Variants in FAM124B observed in about 807,000 individuals in gnomAD.
The protein encoded by FAM124B is protein FAM124B.
FAM124B carries 18 observed loss-of-function variants against 19.7 expected under a neutral mutation model. The observed-to-expected ratio is 0.92, with a 90% CI of 0.63 to 1.36. The LOEUF is 1.36. FAM124B is among the 40% of genes most tolerant of loss of function. The pLI is 0.00. For synonymous variants in FAM124B, 223 were observed against 225.2 expected (o/e 0.99, Z 0.09); for missense variants, 540 against 553.3 (o/e 0.98, Z 0.24).
In FAM124B at chr2:224,379,917, C is replaced by T. The variant is rs961823766; in HGVS notation, c.1024G>A (p.Gly342Arg). ...LHLSSHHLES[G>R]ARMKVLNREN... ...CGGTTGAGGACCTTCATTCTGGCCC[C>T]GGATTCAAGGTGATGAGAAGACAGG... Residue 342 changes from glycine to arginine, a missense_variant, in exon 2 of 2, where the codon GGG becomes AGG. Gly to Arg is a moderately radical substitution (Grantham distance 125). Coordinates refer to ENST00000409685, the MANE Select transcript of FAM124B (RefSeq NM_001122779.2). The T allele has an allele frequency of 4.5e-6, 7 of 1,551,728 alleles. No individual in the cohort carries two copies. The highest frequency in any genetic ancestry group is 4.1e-5 in the African/African-American group (3 of 73,032).
Position 224,401,775 on chromosome 2 carries a change from A to G in FAM124B, c.-7T>C. ...GCCCCTGTGTCTCATCCATGGAGGA[A>G]CTGCCTGAGGCTGACAAAGACAGCG... On this transcript the variant is annotated 5_prime_UTR_variant, in exon 1 of 2. Transcript: ENST00000409685. 6.2e-7 allele frequency: 1 copy of G among 1,608,346 alleles called. No homozygotes were observed. Among genetic ancestry groups the G allele is most frequent in the Non-Finnish European group, 8.5e-7 (1 of 1,177,044 alleles).
chr2:224,385,813 C>T (rs1038460130), intron 1 of FAM124B, among the ~76,000 whole-genome samples: 5 of 152,226 alleles, frequency 3.3e-5, no homozygotes, highest in South Asian at 2.1e-4. Context: ...ACCATCCACC[C>T]GTCCCCATGG....
In FAM124B at chr2:224,400,523, T is replaced by G. The variant is rs1345255355; in HGVS notation, c.732+514A>C. The G allele has an allele frequency of 1.0e-5, 7 of 686,568 alleles. No individual in the cohort carries two copies. In the African/African-American group the frequency reaches 1.3e-4, roughly 12 times the overall value. 42.5% of individuals were successfully genotyped at this position (686,568 alleles called of 1,614,324 possible). A position where few individuals can be genotyped will look rare whatever the true frequency, so the allele number is the denominator to read the frequency against. On this transcript the variant is annotated intron_variant, in intron 1 of 1. Transcript: ENST00000409685. ...TCCCATCTCTAAAAAATAAAAAAAT[T>G]AAAAATTAAAAAAACCATATCTAAA...
chr2:224,399,645 G>C, intron 1 of FAM124B: 1 of 152,172 alleles, frequency 6.6e-6, no homozygotes, highest in South Asian at 2.1e-4. Context: ...CATGAACTTT[G>C]AGGGTAGATA....
At position 224,401,996 on chromosome 2, in the gene FAM124B, A is replaced by G. The variant is rs961970593; in HGVS notation, c.-228T>C. ...CTCGGGTTCAGCAGCCTCCCTCTCC[A>G]CACAGCAGCAGCGGGGTCACGTCAT... is the stretch of plus-strand genomic sequence containing the variant. On this transcript the variant is annotated 5_prime_UTR_variant, in exon 1 of 2. Transcript: ENST00000409685. The G allele has an allele frequency of 5.6e-6, 3 of 536,340 alleles. No homozygotes were observed. Among genetic ancestry groups the G allele is most frequent in the Non-Finnish European group, 1.0e-5 (3 of 301,148 alleles). 33.2% of individuals were successfully genotyped at this position (536,340 alleles called of 1,614,324 possible).
chr2:224,401,114 G>A lies in FAM124B; in HGVS notation c.655C>T (p.Leu219=). ...VQEIGQLVPL[L]PNPCMPISST... is the part of the protein sequence containing the mutation. The stretch of plus-strand genomic sequence containing the variant: ...CTGATAGGCATGCATGGATTGGGTA[G>A]CAGAGGCACTAACTGGCCGATCTCT... Residue 219 remains leucine (L), a synonymous_variant, in exon 1 of 2, where the codon CTA becomes TTA. Transcript: ENST00000409685. The A allele has an allele frequency of 1.2e-6, 2 of 1,614,176 alleles. No individual in the cohort carries two copies. Among genetic ancestry groups the A allele is most frequent in the Non-Finnish European group, 1.7e-6 (2 of 1,180,018 alleles).
intron 1 of FAM124B, among the ~76,000 whole-genome samples, chr2:224,393,810 G>A (rs991075995): frequency 6.6e-6 from 1 of 152,180 alleles, no homozygotes. Context: ...CCACCTCTTT[G>A]TCCTCAACTC....
chr2:224,383,139 T>TA (rs1291387114), intron 1 of FAM124B, among the ~76,000 whole-genome samples: 1 of 152,086 alleles, frequency 6.6e-6, no homozygotes, highest in Admixed American at 6.5e-5. Flanking sequence ...CTGGGATCAT[T>TA]AAAAAACAAT....
chr2:224,390,430 A>G (rs1466236512), intron 1 of FAM124B, among the ~76,000 whole-genome samples: 1 of 152,076 alleles, frequency 6.6e-6, no homozygotes, highest in East Asian at 1.9e-4. Flanking sequence ...CAGGCATAGA[A>G]AGACGGCAAG....
chr2:224,397,321 T>TAAGA (rs1689989741), intron 1 of FAM124B, among the ~76,000 whole-genome samples: 1 of 152,198 alleles, frequency 6.6e-6, no homozygotes, highest in Non-Finnish European at 1.5e-5. Context: ...TGCTCCTCTT[T>TAAGA]GCCTTCCGCC....
intron 1 of FAM124B, among the ~76,000 whole-genome samples, chr2:224,384,854 C>T (rs1689777829): frequency 1.3e-5 from 2 of 152,150 alleles, no homozygotes; most frequent in Admixed American, 6.5e-5. Context: ...GTGACCCTGA[C>T]CTATCAATTA....
At chr2:224,392,278 T>G (rs1369087340) in intron 1 of FAM124B, among the ~76,000 whole-genome samples, 1 of 151,978 alleles carries the variant, frequency 6.6e-6, no homozygotes, top group Non-Finnish European at 1.5e-5. Context: ...CTCCCATCTC[T>G]ACAAAACATT....
At chr2:224,399,510 T>C (rs566952733) in intron 1 of FAM124B, 3 of 152,318 alleles carry the variant, frequency 2.0e-5, no homozygotes, top group East Asian at 1.9e-4. Flanking sequence ...CTTTATTCAA[T>C]AGGCCTTAAG....
Position 224,401,221 on chromosome 2 carries a change from G to A in FAM124B, c.548C>T (p.Ala183Val). 6.2e-7 allele frequency: 1 copy of A among 1,614,162 alleles called. No individual in the cohort carries two copies. Among genetic ancestry groups the A allele is most frequent in the Non-Finnish European group, 8.5e-7 (1 of 1,180,026 alleles). Reference sequence around the variant, plus strand: ...CAGCTGCTTCAGGGAGAGCTGCAGAGCAAAGCTCTTGGAGGCATAGAGCAC... The same window carrying A: ...CAGCTGCTTCAGGGAGAGCTGCAGAACAAAGCTCTTGGAGGCATAGAGCAC... ...FFVLYASKSF[A>V]LQLSLKQLPP... The change falls in exon 1 of 2, where the codon GCT becomes GTT. Residue 183 changes from alanine to valine, a missense_variant. Ala to Val is a moderately conservative substitution (Grantham distance 64). Transcript: ENST00000409685.
intron 1 of FAM124B, among the ~76,000 whole-genome samples, chr2:224,396,119 A>G (rs1261403604): frequency 6.6e-6 from 1 of 152,150 alleles, no homozygotes; most frequent in African/African-American, 2.4e-5. Context: ...AGTGAGCCCA[A>G]AAAGTCCCCC....
chr2:224,384,218 C>T (rs1181261139), intron 1 of FAM124B, among the ~76,000 whole-genome samples: 24 of 152,172 alleles, frequency 1.6e-4, no homozygotes, highest in Non-Finnish European at 3.1e-4. Flanking sequence ...TTGAAAGATT[C>T]TATTTAAGCC....
rs1041184187 is a variant in FAM124B at position 224,382,463 on chromosome 2, G to T, written c.733-2255C>A. On this transcript the variant is annotated intron_variant, in intron 1 of 1. Transcript: ENST00000409685. Reference sequence around the variant, plus strand: ...TTGCTCTTGTTGCCCAATCTGGAGTGCAATGGCGCAATCTCAGCTCACTGC... The same window carrying T: ...TTGCTCTTGTTGCCCAATCTGGAGTTCAATGGCGCAATCTCAGCTCACTGC... Among the ~76,000 whole-genome samples, 34 of 137,342 alleles carry T rather than the reference G, an allele frequency of 2.5e-4. 1 individual carries two copies. Among genetic ancestry groups the T allele is most frequent in the Middle Eastern group, 7.9e-3 (2 of 254 alleles). The allele number at this position is 137,342 out of a possible 152,430, so 90.1% of individuals were successfully genotyped here. A position where few individuals can be genotyped will look rare whatever the true frequency, so the allele number is the denominator to read the frequency against.
chr2:224,394,174 C>T (rs115560638), intron 1 of FAM124B, among the ~76,000 whole-genome samples: 2,079 of 152,254 alleles, frequency 0.014, 46 homozygotes, highest in African/African-American at 0.047. Context: ...CGGAAGTGCA[C>T]GCATTTTCCA....
At chr2:224,392,926 T>C (rs879373880) in intron 1 of FAM124B, among the ~76,000 whole-genome samples, 1 of 152,184 alleles carries the variant, frequency 6.6e-6, no homozygotes, top group Non-Finnish European at 1.5e-5. Context: ...TGTTAAAATA[T>C]AATAAAATTA....
Sources: allele counts gnomAD v4.1 joint callset (sites outside exome capture counted in the v4.1 genomes callset), GRCh38; gene constraint gnomAD v4.1.1; transcripts MANE v1.5; gene names NCBI Gene and HGNC (gene_info 2026-07-23, HGNC 2026-07-21).